Variants in CACNG2 observed in about 807,000 individuals in gnomAD.
The protein encoded by CACNG2 is voltage-dependent calcium channel gamma-2 subunit.
A neutral mutation model predicts 25.9 loss-of-function variants in CACNG2; 3 were observed. The ratio of observed to expected loss-of-function variants is 0.12; its 90% confidence interval spans 0.05 to 0.30. The LOEUF (loss-of-function observed/expected upper bound fraction) is 0.30, where lower values mean the gene tolerates loss of function less well. CACNG2 is among the 10% of genes least tolerant of loss of function. CACNG2 has a pLI of 1.00. For missense variants in CACNG2, 341 were observed against 432.5 expected (o/e 0.79, Z 1.88); for synonymous variants, 167 against 173.3 (o/e 0.96, Z 0.29).
intron 1 of CACNG2, among the ~76,000 whole-genome samples, chr22:36,672,739 C>T (rs1460920255): frequency 6.6e-6 from 1 of 152,184 alleles, no homozygotes; most frequent in Non-Finnish European, 1.5e-5. Context: ...GATTCAACTC[C>T]CCACATAAAC....
intron 1 of CACNG2, among the ~76,000 whole-genome samples, chr22:36,629,372 C>T (rs1475854948): frequency 6.6e-6 from 1 of 152,104 alleles, no homozygotes; most frequent in Non-Finnish European, 1.5e-5. Context: ...AAGGATGTAG[C>T]CCCATCCCCA....
intron 1 of CACNG2, among the ~76,000 whole-genome samples, chr22:36,638,345 C>T (rs973998513): frequency 2.0e-5 from 3 of 152,190 alleles, no homozygotes; most frequent in South Asian, 2.1e-4. Context: ...GGCTGGAATC[C>T]AGGACACTTA....
chr22:36,591,709 G>A (rs1399485506), intron 1 of CACNG2, among the ~76,000 whole-genome samples: 1 of 151,898 alleles, frequency 6.6e-6, no homozygotes, highest in Non-Finnish European at 1.5e-5. Flanking sequence ...AAGAAAGGAG[G>A]ACAGAAGGGA....
chr22:36,597,016 T>C lies in CACNG2; in HGVS notation c.212-9468A>G, dbSNP rs1292001885. On this transcript the variant is annotated intron_variant, in intron 1 of 3. Transcript: ENST00000300105. ...ATCCGCCCTCCTCAGCCACTCAGAGTTCCTTCTTTAGTTGTTGTTGTTTTG... is the reference window on the plus strand; with the variant it reads ...ATCCGCCCTCCTCAGCCACTCAGAGCTCCTTCTTTAGTTGTTGTTGTTTTG... Among the ~76,000 whole-genome samples, 5 of 151,570 alleles carry C rather than the reference T, an allele frequency of 3.3e-5. No individual in the cohort carries two copies. In the East Asian group the frequency reaches 9.7e-4, roughly 29 times the overall value.
intron 2 of CACNG2, among the ~76,000 whole-genome samples, chr22:36,578,532 G>A (rs991399634): frequency 9.9e-5 from 15 of 152,126 alleles, no homozygotes; most frequent in African/African-American, 3.4e-4. Context: ...ACAGAGTGGA[G>A]CACCCCTTGA....
intron 1 of CACNG2, among the ~76,000 whole-genome samples, chr22:36,686,786 G>T (rs943837538): frequency 2.0e-5 from 3 of 152,160 alleles, no homozygotes; most frequent in African/African-American, 7.2e-5. Context: ...TCCTTTTTGG[G>T]CCTCATGTTC....
chr22:36,601,212 T>C (rs1467165763), intron 1 of CACNG2, among the ~76,000 whole-genome samples: 5 of 149,238 alleles, frequency 3.4e-5, no homozygotes, highest in Non-Finnish European at 7.5e-5. Context: ...GATATTTGAC[T>C]TTTTTTTTTG....
intron 1 of CACNG2, among the ~76,000 whole-genome samples, chr22:36,651,162 C>G (rs969402970): frequency 6.7e-6 from 1 of 150,336 alleles, no homozygotes; most frequent in Non-Finnish European, 1.5e-5. Flanking sequence ...CTAAAAGAAC[C>G]TTGTAGTTGG....
At chr22:36,642,175 G>A (rs1936450795) in intron 1 of CACNG2, among the ~76,000 whole-genome samples, 1 of 152,162 alleles carries the variant, frequency 6.6e-6, no homozygotes, top group African/African-American at 2.4e-5. Flanking sequence ...TGGGGAGAGA[G>A]GGGCATGTAT....
chr22:36,588,644 A>G (rs549459885), intron 1 of CACNG2, among the ~76,000 whole-genome samples: 2 of 152,356 alleles, frequency 1.3e-5, no homozygotes, highest in East Asian at 3.9e-4. Flanking sequence ...GCCTGGGTCC[A>G]GCTGTGCATC....
rs1395773051 is a variant in CACNG2, at chr22:36,606,770, GTGTGTGTGTATGTGTTTGTATGTA to G, written c.212-19246_212-19223del. Reference sequence around the variant, plus strand: ...GGTTGGGCTGTGCGTGTGTGTGTGTGTGTGTGTGTATGTGTTTGTATGTATGTGTGTGTGTATGTCTGTGTGATG... The same window carrying G: ...GGTTGGGCTGTGCGTGTGTGTGTGTGTGTGTGTGTGTATGTCTGTGTGATG... On this transcript the variant is annotated intron_variant, in intron 1 of 3. Coordinates refer to ENST00000300105, the MANE Select transcript of CACNG2 (RefSeq NM_006078.5). This position sits in a 1 kb window ranked among gnomAD's most constrained non-coding sequence, Gnocchi z 5.7. 1.3e-5 allele frequency among the ~76,000 whole-genome samples: 2 copies of G among 151,506 alleles called. No homozygotes were observed. Among genetic ancestry groups the G allele is most frequent in the Non-Finnish European group, 2.9e-5 (2 of 67,854 alleles).
chr22:36,567,301 C>T (rs867170939), intron 2 of CACNG2, among the ~76,000 whole-genome samples: 1 of 152,166 alleles, frequency 6.6e-6, no homozygotes, highest in South Asian at 2.1e-4. Context: ...TATGCTTCCA[C>T]CATGAACCAT....
chr22:36,689,105 G>T (rs1002394435), intron 1 of CACNG2, among the ~76,000 whole-genome samples: 4 of 152,186 alleles, frequency 2.6e-5, no homozygotes, highest in Admixed American at 2.6e-4. Context: ...AAATAAAGTT[G>T]CTCTCTTTTC....
At chr22:36,589,307 A>G (rs2013924) in intron 1 of CACNG2, among the ~76,000 whole-genome samples, 38,755 of 151,686 alleles carry the variant, frequency 0.26, 5,021 homozygotes, top group East Asian at 0.28. Flanking sequence ...ATATATATAT[A>G]TGTGTGTGTG....
chr22:36,619,472 A>G (rs1315150699), intron 1 of CACNG2, among the ~76,000 whole-genome samples: 5 of 152,226 alleles, frequency 3.3e-5, no homozygotes, highest in African/African-American at 1.2e-4. Context: ...GTTTTGCCGA[A>G]GTGTCTATTG....
intron 1 of CACNG2, among the ~76,000 whole-genome samples, chr22:36,687,411 A>G (rs1199770303): frequency 6.6e-6 from 1 of 152,238 alleles, no homozygotes; most frequent in Non-Finnish European, 1.5e-5. Context: ...TAGGTTGTGA[A>G]CAAACTCTTT....
intron 1 of CACNG2, among the ~76,000 whole-genome samples, chr22:36,690,092 C>T (rs1375562994): frequency 1.3e-5 from 2 of 152,238 alleles, no homozygotes; most frequent in African/African-American, 4.8e-5. Context: ...CATTTTAGTT[C>T]TGTCTTCAGC....
At chr22:36,683,875 C>T (rs1484128310) in intron 1 of CACNG2, among the ~76,000 whole-genome samples, 3 of 152,134 alleles carry the variant, frequency 2.0e-5, no homozygotes, top group Admixed American at 6.5e-5. Context: ...CCCTGGCTGT[C>T]GTCCACACCA....
intron 1 of CACNG2, among the ~76,000 whole-genome samples, chr22:36,658,782 C>G (rs185894046): frequency 2.7e-4 from 41 of 152,158 alleles, no homozygotes; most frequent in Non-Finnish European, 1.8e-4. Context: ...CAATAGTGCT[C>G]CAGGGGGAAT....
Sources: allele counts gnomAD v4.1 joint callset (sites outside exome capture counted in the v4.1 genomes callset), GRCh38; gene constraint gnomAD v4.1.1; non-coding constraint Gnocchi (gnomAD v3.1); transcripts MANE v1.5; gene names NCBI Gene and HGNC (gene_info 2026-07-23, HGNC 2026-07-21).